The following BMAL1 variants were observed in gnomAD, a reference collection of about 807,000 sequenced individuals.
BMAL1 encodes the protein basic helix-loop-helix ARNT like 1, also known as basic helix-loop-helix ARNT-like protein 1.
At chr11:13,284,258 A>T in the BMAL1 span, among the ~76,000 whole-genome samples, 2 of 24,352 alleles carry the variant, frequency 8.2e-5, no homozygotes, top group Non-Finnish European at 1.7e-4. Flanking sequence ...ATATATATAT[A>T]TATATATATT....
At chr11:13,317,702 G>T in the BMAL1 span, among the ~76,000 whole-genome samples, 2 of 152,144 alleles carry the variant, frequency 1.3e-5, no homozygotes, top group African/African-American at 4.8e-5. Flanking sequence ...AGCTACCATT[G>T]TCTTCACAAG....
the BMAL1 span, among the ~76,000 whole-genome samples, chr11:13,279,294 T>C: frequency 2.0e-5 from 3 of 152,252 alleles, no homozygotes. Flanking sequence ...TCCAGCATCG[T>C]CGTTTTATTA....
chr11:13,284,262 ATATATTTTT>A, the BMAL1 span, among the ~76,000 whole-genome samples: 39,259 of 64,302 alleles, frequency 0.61, 12,206 homozygotes, highest in Middle Eastern at 0.71. Flanking sequence ...ATATATATAT[ATATATTTTT>A]TTTTTTAATG....
chr11:13,378,572 T>G, the BMAL1 span: 17 of 1,288,476 alleles, frequency 1.3e-5, no homozygotes, highest in Non-Finnish European at 1.5e-5. Flanking sequence ...GGGAGGTTGC[T>G]ACTTAAACAT....
At chr11:13,384,586 T>TAG in the BMAL1 span, among the ~76,000 whole-genome samples, 1 of 152,200 alleles carries the variant, frequency 6.6e-6, no homozygotes, top group South Asian at 2.1e-4. Flanking sequence ...ATGCCTCCCT[T>TAG]TTCCAACTAC....
the BMAL1 span, among the ~76,000 whole-genome samples, chr11:13,281,014 C>A: frequency 6.6e-6 from 1 of 152,180 alleles, no homozygotes; most frequent in African/African-American, 2.4e-5. Flanking sequence ...GGTTTCTCCT[C>A]TTGGTGTAAT....
At chr11:13,330,624 G>A in the BMAL1 span, among the ~76,000 whole-genome samples, 3 of 152,214 alleles carry the variant, frequency 2.0e-5, no homozygotes, top group Non-Finnish European at 4.4e-5. Context: ...TGGCAAGTGG[G>A]TGCTGATCAG....
At chr11:13,371,787 G>C in the BMAL1 span, among the ~76,000 whole-genome samples, 1 of 152,154 alleles carries the variant, frequency 6.6e-6, no homozygotes, top group Non-Finnish European at 1.5e-5. Context: ...TATATAGGCT[G>C]TGCCTCTGTG....
chr11:13,376,588 A>T, the BMAL1 span: 1 of 1,575,568 alleles, frequency 6.3e-7, no homozygotes, highest in Non-Finnish European at 8.7e-7. Context: ...TGAATGGTGC[A>T]CAGTTCTGAG....
At chr11:13,286,795 G>GT in the BMAL1 span, among the ~76,000 whole-genome samples, 1 of 152,098 alleles carries the variant, frequency 6.6e-6, no homozygotes, top group Non-Finnish European at 1.5e-5. Flanking sequence ...TATGTAAATT[G>GT]TTTTTTCTTT....
chr11:13,375,733 A>C, the BMAL1 span: 3 of 1,594,318 alleles, frequency 1.9e-6, no homozygotes, highest in Non-Finnish European at 2.6e-6. Context: ...AGGAAGTAGA[A>C]TATATTGTCT....
chr11:13,288,696 A>G, the BMAL1 span, among the ~76,000 whole-genome samples: 2 of 152,144 alleles, frequency 1.3e-5, no homozygotes, highest in South Asian at 4.1e-4. Flanking sequence ...GATTGGAGCA[A>G]TGAAGGACTA....
chr11:13,284,597 T>G, the BMAL1 span, among the ~76,000 whole-genome samples: 5 of 150,586 alleles, frequency 3.3e-5, no homozygotes, highest in Admixed American at 2.6e-4. Context: ...TACTGTGAGA[T>G]GCTCTGGAAA....
At chr11:13,326,626 C>CT in the BMAL1 span, among the ~76,000 whole-genome samples, 2 of 152,142 alleles carry the variant, frequency 1.3e-5, no homozygotes, top group South Asian at 2.1e-4. Context: ...TCTCAACTAG[C>CT]TGGGGACCTT....
chr11:13,359,948 G>A, the BMAL1 span, among the ~76,000 whole-genome samples: 1 of 152,192 alleles, frequency 6.6e-6, no homozygotes, highest in Non-Finnish European at 1.5e-5. Flanking sequence ...TTAGAGTGGT[G>A]ATTTGAAGGA....
At chr11:13,307,467 A>G in the BMAL1 span, among the ~76,000 whole-genome samples, 1 of 152,226 alleles carries the variant, frequency 6.6e-6, no homozygotes, top group Admixed American at 6.5e-5. Context: ...GAACAGGGAT[A>G]GAGTCCTAGA....
At chr11:13,372,106 G>GTACA in the BMAL1 span, 48 of 1,604,340 alleles carry the variant, frequency 3.0e-5, no homozygotes, top group Middle Eastern at 2.1e-4. Flanking sequence ...CATCGGCCGT[G>GTACA]TACACCTCCA....
At chr11:13,334,051 C>T in the BMAL1 span, among the ~76,000 whole-genome samples, 2 of 152,090 alleles carry the variant, frequency 1.3e-5, no homozygotes, top group African/African-American at 2.4e-5. Flanking sequence ...TTCTAAGCTC[C>T]GTACGTGAAT....
At chr11:13,387,021 T>C in the BMAL1 span, 1 of 323,380 alleles carries the variant, frequency 3.1e-6, no homozygotes, top group Non-Finnish European at 5.6e-6. Context: ...TGGATTCTGT[T>C]TGTGTTGAAT....
Sources: gnomAD v4.1 joint callset for allele counts (sites outside exome capture counted in the v4.1 genomes callset) on GRCh38, gnomAD v4.1.1 for gene constraint, MANE v1.5 for transcripts, NCBI Gene and HGNC (gene_info 2026-07-23, HGNC 2026-07-21) for gene names.